Variants in COL8A1 observed in about 807,000 individuals in gnomAD.
COL8A1 encodes collagen type VIII alpha 1 chain, also known as collagen alpha-1(VIII) chain.
A neutral mutation model predicts 42.7 loss-of-function variants in COL8A1; 21 were observed. The observed-to-expected ratio is 0.49, with a 90% CI of 0.35 to 0.71. The LOEUF is 0.71. Ranked by LOEUF, COL8A1 falls within the 30% of genes least tolerant of loss-of-function variation. The probability of loss-of-function intolerance (pLI) is 0.01; values close to 1 mark genes in which losing one functional copy is unlikely to be tolerated. For synonymous variants in COL8A1, 367 were observed against 369.1 expected, an observed-to-expected ratio of 0.99 and a Z score of 0.06; for missense variants, 788 against 962.4, an observed-to-expected ratio of 0.82 and a Z score of 2.40.
At chr3:99,709,601 C>T (rs1358505239) in intron 1 of COL8A1, among the ~76,000 whole-genome samples, 1 of 152,020 alleles carries the variant, frequency 6.6e-6, no homozygotes, top group Non-Finnish European at 1.5e-5. Flanking sequence ...TTAAAGAAGG[C>T]AATAAAGCAA....
rs374147565 is a variant in COL8A1, at chr3:99,708,160, A to T, written c.-128-36737A>T. On this transcript the variant is annotated intron_variant, in intron 1 of 3. Coordinates refer to ENST00000652472, the MANE Select transcript of COL8A1 (RefSeq NM_020351.4). ...ATTTCCCCTCCATTTGAAAAAAATT[A>T]AGGGAAAATCACAGAGTGTTTATGG... Among the ~76,000 whole-genome samples the T allele has an allele frequency of 5.3e-5, 8 of 152,152 alleles. No homozygotes were observed. In the East Asian group the frequency reaches 9.6e-4, roughly 18 times the overall value.
Position 99,698,837 on chromosome 3 carries a change from A to C in COL8A1, c.-128-46060A>C, listed in dbSNP as rs72932357. On this transcript the variant is annotated intron_variant, in intron 1 of 3. Coordinates refer to ENST00000652472, the MANE Select transcript of COL8A1 (RefSeq NM_020351.4). Reference sequence around the variant, plus strand: ...GAATGTCAGTGTTAACGTTGAATAAAATAGATCACCTGCAGCTGTATATCA... The same window carrying C: ...GAATGTCAGTGTTAACGTTGAATAACATAGATCACCTGCAGCTGTATATCA... 4.7e-3 allele frequency among the ~76,000 whole-genome samples: 717 copies of C among 152,338 alleles called. 5 individuals are homozygous for C. The highest frequency in any genetic ancestry group is 0.016 in the African/African-American group (682 of 41,584).
chr3:99,765,976 A>G (rs1315507101), intron 2 of COL8A1, among the ~76,000 whole-genome samples: 3 of 152,228 alleles, frequency 2.0e-5, no homozygotes, highest in African/African-American at 7.2e-5. Flanking sequence ...ATCAAATGTT[A>G]GCTCAACAAA....
At chr3:99,748,614 G>C (rs1941079147) in intron 2 of COL8A1, among the ~76,000 whole-genome samples, 1 of 152,144 alleles carries the variant, frequency 6.6e-6, no homozygotes, top group African/African-American at 2.4e-5. Flanking sequence ...CTATGCGACA[G>C]CACTGACCAG....
chr3:99,682,708 C>T (rs1412454845), intron 1 of COL8A1, among the ~76,000 whole-genome samples: 1 of 151,962 alleles, frequency 6.6e-6, no homozygotes, highest in Non-Finnish European at 1.5e-5. Context: ...CCTCAGGCAT[C>T]TCCGTTAAGC....
At chr3:99,672,995 A>G (rs1049095116) in intron 1 of COL8A1, among the ~76,000 whole-genome samples, 1 of 151,944 alleles carries the variant, frequency 6.6e-6, no homozygotes, top group Non-Finnish European at 1.5e-5. Flanking sequence ...CTCTCCACCC[A>G]TGGCCCAGGG....
At chr3:99,729,435 G>T (rs544443215) in intron 1 of COL8A1, among the ~76,000 whole-genome samples, 2 of 151,822 alleles carry the variant, frequency 1.3e-5, no homozygotes, top group South Asian at 2.1e-4. Context: ...ATTAAATATG[G>T]TCATGAGACC....
chr3:99,735,667 A>C (rs1393349096), intron 1 of COL8A1, among the ~76,000 whole-genome samples: 15 of 150,152 alleles, frequency 1.0e-4, no homozygotes, highest in African/African-American at 2.4e-5. Flanking sequence ...TGGCCTCATA[A>C]AATGAGTTAG....
At chr3:99,713,389 ACC>A (rs1457272126) in intron 1 of COL8A1, among the ~76,000 whole-genome samples, 1 of 152,066 alleles carries the variant, frequency 6.6e-6, no homozygotes, top group Non-Finnish European at 1.5e-5. Flanking sequence ...TATTTTTGCT[ACC>A]CCAAGAACTT....
intron 1 of COL8A1, among the ~76,000 whole-genome samples, chr3:99,666,647 T>G (rs1176809712): frequency 6.6e-6 from 1 of 152,214 alleles, no homozygotes; most frequent in Non-Finnish European, 1.5e-5. Context: ...TTAATCTAAT[T>G]TTGTTTGTTT....
intron 1 of COL8A1, among the ~76,000 whole-genome samples, chr3:99,654,207 C>T (rs945497119): frequency 2.0e-5 from 3 of 152,174 alleles, no homozygotes; most frequent in African/African-American, 7.2e-5. Context: ...CTGCTTTATT[C>T]TAGCCGTGCT....
intron 2 of COL8A1, among the ~76,000 whole-genome samples, chr3:99,756,167 C>T (rs564948365): frequency 7.3e-5 from 11 of 151,436 alleles, no homozygotes; most frequent in Admixed American, 4.6e-4. Flanking sequence ...TAGATAAGTA[C>T]GAATACCATT....
At chr3:99,759,933 C>A (rs1941335095) in intron 2 of COL8A1, among the ~76,000 whole-genome samples, 1 of 152,138 alleles carries the variant, frequency 6.6e-6, no homozygotes, top group Admixed American at 6.6e-5. Context: ...GCTAACCAAA[C>A]CCATGTAGTA....
rs540084343 is a variant in COL8A1 at position 99,715,604 on chromosome 3, A to AC, written c.-128-29292dup. Among the ~76,000 whole-genome samples the AC allele has an allele frequency of 2.6e-4, 39 of 152,148 alleles. 1 individual carries two copies. In the South Asian group the frequency reaches 7.5e-3, roughly 29 times the overall value. ...TGTATCAGAACTTGTACCTGTAATG[A>AC]CAGTTCCCAACCTCCCAATCCTTTT... On this transcript the variant is annotated intron_variant, in intron 1 of 3. Transcript: ENST00000652472.
At chr3:99,757,871 G>C (rs1399941706) in intron 2 of COL8A1, among the ~76,000 whole-genome samples, 1 of 152,130 alleles carries the variant, frequency 6.6e-6, no homozygotes, top group Non-Finnish European at 1.5e-5. Flanking sequence ...CACTCAGCCT[G>C]ATCAGCATGA....
At chr3:99,718,514 A>T (rs1345731467) in intron 1 of COL8A1, among the ~76,000 whole-genome samples, 1 of 152,042 alleles carries the variant, frequency 6.6e-6, no homozygotes, top group Non-Finnish European at 1.5e-5. Context: ...GAGGGCAGGG[A>T]AGGACAGAAG....
At chr3:99,728,420 T>C (rs1370144035) in intron 1 of COL8A1, among the ~76,000 whole-genome samples, 1 of 151,988 alleles carries the variant, frequency 6.6e-6, no homozygotes, top group African/African-American at 2.4e-5. Context: ...AGATTATGGT[T>C]GTTCTGCAGG....
rs1396036568 is a variant in COL8A1 at position 99,795,038 on chromosome 3, A to C, written c.1137A>C (p.Pro379=). The C allele has an allele frequency of 6.2e-7, 1 of 1,609,150 alleles. No individual in the cohort carries two copies. The change falls in exon 4 of 4, where the codon CCA becomes CCC. Residue 379 remains proline, a synonymous_variant. Transcript: ENST00000652472. Reference sequence around the variant, plus strand: ...TTGGACCAAGAGGGGAGAAAGGACCAATAGGTGCCCCAGGAATAGGGGGTC... The same window carrying C: ...TTGGACCAAGAGGGGAGAAAGGACCCATAGGTGCCCCAGGAATAGGGGGTC... ...GALGPRGEKG[P]IGAPGIGGPP... is the part of the protein sequence containing the mutation.
chr3:99,664,689 TG>T (rs1938310276), intron 1 of COL8A1, among the ~76,000 whole-genome samples: 1 of 152,106 alleles, frequency 6.6e-6, no homozygotes, highest in Non-Finnish European at 1.5e-5. Flanking sequence ...TGTTTGGGGA[TG>T]GGAGGGGAGA....
Sources: allele counts gnomAD v4.1 joint callset (sites outside exome capture counted in the v4.1 genomes callset), GRCh38; gene constraint gnomAD v4.1.1; transcripts MANE v1.5; gene names NCBI Gene and HGNC (gene_info 2026-07-23, HGNC 2026-07-21).